The following ANGEL1 variants were observed in gnomAD, a reference collection of about 807,000 sequenced individuals.
ANGEL1 encodes the protein RNA 2',3'-cyclic phosphatase ANGEL1.
In ANGEL1, 62 loss-of-function variants were observed where a neutral mutation model predicts 76.4. The observed-to-expected ratio is 0.81, with a 90% CI of 0.66 to 1.00. The LOEUF is 1.00. Among genes scored for constraint, ANGEL1 ranks in the 50% least tolerant of loss-of-function variants. The pLI, the probability that ANGEL1 is intolerant of heterozygous loss-of-function variation, is 0.00. For synonymous variants in ANGEL1, 340 were observed against 331.7 expected, an observed-to-expected ratio of 1.03 and a Z score of -0.27; for missense variants, 737 against 836.7, an observed-to-expected ratio of 0.88 and a Z score of 1.47.
intron 4 of ANGEL1, 44 bp from the exon 5 acceptor site, chr14:76,806,893 A>G (rs751917207): frequency 1.9e-6 from 3 of 1,579,274 alleles, no homozygotes; most frequent in Non-Finnish European, 2.6e-6. Context: ...GAGTCCTTAA[A>G]GCCTGAATCC....
rs754496656 is a variant in ANGEL1, at chr14:76,809,636, G to T, written c.72C>A (p.Phe24Leu). Residue 24 changes from phenylalanine to leucine, a missense_variant, in exon 2 of 10, where the codon TTC becomes TTA. Coordinates refer to ENST00000251089, the MANE Select transcript of ANGEL1 (RefSeq NM_015305.4). ...TRLFRALSDAFFTCRKNVLLA... is the reference protein window; with the variant it reads ...TRLFRALSDALFTCRKNVLLA... The stretch of plus-strand genomic sequence containing the variant: ...GAAGGACATTTTTTCGACATGTGAA[G>T]AAAGCATCTAGGAGGAAAGCCAAAA... The T allele has an allele frequency of 6.2e-7, 1 of 1,612,688 alleles. No individual in the cohort carries two copies. Among genetic ancestry groups the T allele is most frequent in the South Asian group, 1.1e-5 (1 of 91,016 alleles).
In ANGEL1 at chr14:76,809,439, C is replaced by A. The variant is rs1473779896; in HGVS notation, c.269G>T (p.Ser90Ile). ...AGGATTATCCATCAGAAGTGCCAGGCTGCTCTGGGCTAGTCCTTTATCTAT... is the reference window on the plus strand; with the variant it reads ...AGGATTATCCATCAGAAGTGCCAGGATGCTCTGGGCTAGTCCTTTATCTAT... Reference protein sequence around the residue: ...PLIDKGLAQSSLALLMDNPGE... With the variant: ...PLIDKGLAQSILALLMDNPGE... The change falls in exon 2 of 10, where the codon AGC (serine) becomes ATC (isoleucine). Residue 90 changes from serine (S) to isoleucine (I), a missense_variant. Physicochemically the swap from Ser to Ile is moderately radical, Grantham distance 142. Coordinates refer to ENST00000251089, the MANE Select transcript of ANGEL1 (RefSeq NM_015305.4). The A allele has an allele frequency of 1.2e-6, 2 of 1,614,256 alleles. No homozygotes were observed. The highest frequency in any genetic ancestry group is 2.2e-5 in the East Asian group (1 of 44,890).
chr14:76,804,048 G>T (rs1894844546), intron 5 of ANGEL1, 136 bp from the exon 6 acceptor site: 1 of 1,563,010 alleles, frequency 6.4e-7, no homozygotes, highest in African/African-American at 1.4e-5. Flanking sequence ...AAGCATATAA[G>T]TCTCAGGGGC....
At chr14:76,801,141 C>T (rs1404965387) in intron 7 of ANGEL1, among the ~76,000 whole-genome samples, 1 of 149,160 alleles carries the variant, frequency 6.7e-6, no homozygotes, top group Non-Finnish European at 1.5e-5. Context: ...GACACAGTCT[C>T]ACTCTGTCAC....
At chr14:76,808,235 G>A in intron 2 of ANGEL1, 87 bp from the exon 3 acceptor site, 1 of 1,145,920 alleles carries the variant, frequency 8.7e-7, no homozygotes, top group South Asian at 1.5e-5. Flanking sequence ...GTAATATTAT[G>A]CCTGAAGTTC....
At chr14:76,809,751 C>T in intron 1 of ANGEL1, 108 bp from the exon 2 acceptor site, 1 of 893,880 alleles carries the variant, frequency 1.1e-6, no homozygotes, top group Non-Finnish European at 1.7e-6. Context: ...CCACCTTGCT[C>T]ATCATTGTAC....
intron 7 of ANGEL1, among the ~76,000 whole-genome samples, chr14:76,792,317 A>G (rs1330410078): frequency 6.6e-6 from 1 of 152,208 alleles, no homozygotes; most frequent in African/African-American, 2.4e-5. Context: ...GGTGAATTCC[A>G]GCAAACATTT....
chr14:76,792,409 C>A (rs1218595249), intron 7 of ANGEL1, among the ~76,000 whole-genome samples: 2 of 152,276 alleles, frequency 1.3e-5, no homozygotes, highest in East Asian at 1.9e-4. Flanking sequence ...TGAGGCATTA[C>A]TCTGACATCA....
Position 76,808,237 on chromosome 14 carries a change from C to T in ANGEL1, c.650-89G>A, listed in dbSNP as rs2140229894. On this transcript the variant is annotated intron_variant, in intron 2 of 9. Transcript: ENST00000251089. ...CACTCCTGACTCAGTAATATTATGC[C>T]TGAAGTTCCTTTTTCCATCTTCCCT... 3.6e-6 allele frequency: 4 copies of T among 1,124,964 alleles called. No individual in the cohort carries two copies. In the South Asian group the frequency reaches 4.5e-5, roughly 13 times the overall value. 69.7% of individuals were successfully genotyped at this position (1,124,964 alleles called of 1,614,324 possible). A position where few individuals can be genotyped will look rare whatever the true frequency, so the allele number is the denominator to read the frequency against.
intron 7 of ANGEL1, among the ~76,000 whole-genome samples, chr14:76,797,157 C>T (rs1210622325): frequency 6.6e-6 from 1 of 152,180 alleles, no homozygotes; most frequent in Non-Finnish European, 1.5e-5. Context: ...CATGCAAGTT[C>T]CTCTGCAAGA....
At position 76,792,811 on chromosome 14, in the gene ANGEL1, G is replaced by A. The variant is rs561922155; in HGVS notation, c.1619-1445C>T. Among the ~76,000 whole-genome samples the A allele has an allele frequency of 2.0e-4, 30 of 152,210 alleles. No homozygotes were observed. In the East Asian group the frequency reaches 2.9e-3, roughly 15 times the overall value. On this transcript the variant is annotated intron_variant, in intron 7 of 9. Transcript: ENST00000251089. ...CATACTTAATGGTGAAAGACTGAAC[G>A]CTTTACCCCTAAGATCAGGAACAAG...
rs1004006170 is a variant in ANGEL1, at chr14:76,793,327, G to A, written c.1619-1961C>T. On this transcript the variant is annotated intron_variant, in intron 7 of 9. Transcript: ENST00000251089. ...GTCCTTGTCACAGAAAGGAAAGAAGGAAAGGAAAGGGGAGACGGGAAAGAG... is the reference window on the plus strand; with the variant it reads ...GTCCTTGTCACAGAAAGGAAAGAAGAAAAGGAAAGGGGAGACGGGAAAGAG... Among the ~76,000 whole-genome samples the A allele has an allele frequency of 3.6e-5, 5 of 138,030 alleles. No individual in the cohort carries two copies. The South Asian group carries it at 1.3e-3, about 37-fold the overall frequency. 90.6% of individuals were successfully genotyped at this position (138,030 alleles called of 152,430 possible). A position where few individuals can be genotyped will look rare whatever the true frequency, so the allele number is the denominator to read the frequency against.
At chr14:76,797,134 A>G (rs2140215581) in intron 7 of ANGEL1, among the ~76,000 whole-genome samples, 1 of 152,332 alleles carries the variant, frequency 6.6e-6, no homozygotes, top group African/African-American at 2.4e-5. Flanking sequence ...ATTCAGCAAT[A>G]GTAGCAGCCA....
chr14:76,810,338 T>C (rs999834493), intron 1 of ANGEL1: 5 of 396,128 alleles, frequency 1.3e-5, no homozygotes, highest in Admixed American at 5.2e-5. Context: ...AGAGGATTGC[T>C]TGAGCCCAGG....
chr14:76,791,307 C>T lies in ANGEL1; in HGVS notation c.1678G>A (p.Ala560Thr). ...ACTGGAGAAGGTTACCTGGAGAAGG[C>T]AGGCTCAAGCTCCGATGCATCTTCC... ...LEEDASELEPAFSRTVGTIQH... is the reference protein window; with the variant it reads ...LEEDASELEPTFSRTVGTIQH... The change falls in exon 8 of 10, where the codon GCC becomes ACC. Residue 560 changes from alanine (A) to threonine (T), a missense_variant. By Grantham distance (58) the Ala-to-Thr change is moderately conservative (BLOSUM62 0). Around this residue, in one of 2 missense-constraint regions of ANGEL1, gnomAD observed 296 missense variants for 387.2 expected, o/e 0.76. Transcript: ENST00000251089. 1.2e-6 allele frequency: 2 copies of T among 1,614,110 alleles called. No homozygotes were observed. The highest frequency in any genetic ancestry group is 1.7e-6 in the Non-Finnish European group (2 of 1,179,978).
intron 7 of ANGEL1, among the ~76,000 whole-genome samples, chr14:76,793,391 A>AGGAGGGGAGAGGGGAGAGGAGG (rs1595294726): frequency 4.7e-4 from 1 of 2,142 alleles, no homozygotes; most frequent in Non-Finnish European, 9.3e-4. Context: ...GAGAGGGGAG[A>AGGAGGGGAGAGGGGAGAGGAGG]GGAGGGGAGA....
chr14:76,808,392 T>C (rs955243462), intron 2 of ANGEL1, among the ~76,000 whole-genome samples: 1 of 152,146 alleles, frequency 6.6e-6, no homozygotes, highest in Non-Finnish European at 1.5e-5. Context: ...ATCTAATAGA[T>C]GCTCCATATA....
At chr14:76,803,595 C>A in intron 6 of ANGEL1, 114 bp from the exon 7 acceptor site, 1 of 1,355,858 alleles carries the variant, frequency 7.4e-7, no homozygotes, top group Non-Finnish European at 1.0e-6. Flanking sequence ...ATTCAGAAGA[C>A]AAGGAGATTT....
At chr14:76,802,776 T>C (rs1894804586) in intron 7 of ANGEL1, among the ~76,000 whole-genome samples, 1 of 152,194 alleles carries the variant, frequency 6.6e-6, no homozygotes. Flanking sequence ...AGTCTCTCTA[T>C]ACTTCCTCTA....
Sources: allele counts gnomAD v4.1 joint callset (sites outside exome capture counted in the v4.1 genomes callset), GRCh38; gene constraint gnomAD v4.1.1; regional missense constraint gnomAD v4.1.1; transcripts MANE v1.5; gene names NCBI Gene and HGNC (gene_info 2026-07-23, HGNC 2026-07-21).